Variants in MYOM3 observed in about 807,000 individuals in gnomAD.
The protein encoded by MYOM3 is myomesin 3, also known as myomesin-3.
MYOM3 carries 155 observed loss-of-function variants against 191.7 expected under a neutral mutation model. The observed-to-expected ratio is 0.81, with a 90% CI of 0.71 to 0.92. The LOEUF (loss-of-function observed/expected upper bound fraction) is 0.92. MYOM3 is among the 40% of genes least tolerant of loss of function. The pLI, the probability that MYOM3 is intolerant of heterozygous loss-of-function variation, is 0.00. For missense variants in MYOM3, 1,889 were observed against 1,890.6 expected, an observed-to-expected ratio of 1.00 and a Z score of 0.02; for synonymous variants, 757 against 762.9, an observed-to-expected ratio of 0.99 and a Z score of 0.13.
At position 24,067,970 on chromosome 1, in the gene MYOM3, C is replaced by T. The variant is rs181467696; in HGVS notation, c.3355G>A (p.Gly1119Ser). The T allele has an allele frequency of 1.1e-5, 17 of 1,614,140 alleles. No individual in the cohort carries two copies. The South Asian group carries it at 1.9e-4, about 18-fold the overall frequency. ...AKRRDWKRKQ[G>S]PYFERPLQWK... ...TGAACTTCACCCCAGCAGCTCTTAC[C>T]CTGTTTTCTCTTCCAGTCCCTTCTC... Residue 1119 changes from glycine (G) to serine (S), a missense_variant and splice_region_variant, in exon 27 of 37, where the codon GGT (glycine) becomes AGT (serine). Coordinates refer to ENST00000374434, the MANE Select transcript of MYOM3 (RefSeq NM_152372.4).
chr1:24,095,373 G>A lies in MYOM3; in HGVS notation c.790+69C>T, dbSNP rs553698601. The A allele has an allele frequency of 2.3e-5, 34 of 1,448,084 alleles. No homozygotes were observed. The African/African-American group carries it at 4.5e-4, about 19-fold the overall frequency. 89.7% of individuals were successfully genotyped at this position (1,448,084 alleles called of 1,614,324 possible). ...AGGGGATGGCTATATTCTAAACAGG[G>A]ACTGTGGGGGTCGGGGAGCAAAGCC... On this transcript the variant is annotated intron_variant, in intron 8 of 36. Coordinates refer to ENST00000374434, the MANE Select transcript of MYOM3 (RefSeq NM_152372.4).
At chr1:24,090,202 C>A (rs945470076) in intron 12 of MYOM3, 84 bp from the exon 13 acceptor site, 1 of 1,112,414 alleles carries the variant, frequency 9.0e-7, no homozygotes, top group African/African-American at 1.5e-5. Flanking sequence ...GGGTCTGCGT[C>A]CTGCCCCGTC....
rs1251187433 is a variant in MYOM3 at position 24,080,095 on chromosome 1, T to G, written c.2507A>C (p.Tyr836Ser). Residue 836 changes from tyrosine to serine, a missense_variant, in exon 20 of 37, where the codon TAT becomes TCT. Coordinates refer to ENST00000374434, the MANE Select transcript of MYOM3 (RefSeq NM_152372.4). ...LYMGAGPVTG[Y>S]HVSFQEEGSE... Reference sequence around the variant, plus strand: ...GCCTTCCTCCTGGAAACTGACGTGATAGCCTGTGACAGGCCCAGCCCCCAT... The same window carrying G: ...GCCTTCCTCCTGGAAACTGACGTGAGAGCCTGTGACAGGCCCAGCCCCCAT... 3.1e-6 allele frequency: 5 copies of G among 1,614,024 alleles called. No homozygotes were observed. Among genetic ancestry groups the G allele is most frequent in the Non-Finnish European group, 4.2e-6 (5 of 1,180,020 alleles).
At position 24,084,650 on chromosome 1, in the gene MYOM3, G is replaced by A; in HGVS notation, c.1799-11C>T. The A allele has an allele frequency of 6.2e-7, 1 of 1,605,750 alleles. No homozygotes were observed. Among genetic ancestry groups the A allele is most frequent in the East Asian group, 2.2e-5 (1 of 44,850 alleles). ...GAGGAGGGAGGGTAGCTAAAAAATA[G>A]AAACATGGGCTGAATGAGAAGGCTG... is the stretch of plus-strand genomic sequence containing the variant. On this transcript the variant is annotated splice_polypyrimidine_tract_variant and intron_variant, in intron 15 of 36. Transcript: ENST00000374434.
chr1:24,064,284 T>C, intron 29 of MYOM3, 125 bp from the exon 30 acceptor site: 1 of 667,596 alleles, frequency 1.5e-6, no homozygotes, highest in Non-Finnish European at 2.5e-6. Context: ...GTAAGACCCT[T>C]CTCCTCCCTG....
At chr1:24,079,200 C>T (rs1243276077) in intron 20 of MYOM3, among the ~76,000 whole-genome samples, 3 of 151,842 alleles carry the variant, frequency 2.0e-5, no homozygotes, top group East Asian at 1.9e-4. Context: ...CACGTAGGTC[C>T]ACCTCATTCT....
intron 25 of MYOM3, among the ~76,000 whole-genome samples, chr1:24,068,755 G>C (rs373532077): frequency 6.6e-6 from 1 of 151,368 alleles, no homozygotes; most frequent in Non-Finnish European, 1.5e-5. Context: ...GCAGAGTCTC[G>C]CTCCATCACC....
Position 24,063,167 on chromosome 1 carries a change from C to T in MYOM3, c.3729G>A (p.Lys1243=), listed in dbSNP as rs1643392898. Residue 1243 remains lysine (K), a synonymous_variant, in exon 32 of 37, where the codon AAG becomes AAA. Transcript: ENST00000374434. The surrounding 1 kb of genome is among the most constrained non-coding windows in gnomAD (Gnocchi z 4.5). ...TTTTCATGTACTCCACGTTGTAGTA[C>T]TTGACCTTGCTGAAGATCCGGATCC... ...EEGIRIFSKV[K]YYNVEYMKTT... The T allele has an allele frequency of 1.9e-6, 3 of 1,614,030 alleles. No individual in the cohort carries two copies. The highest frequency in any genetic ancestry group is 1.7e-6 in the Non-Finnish European group (2 of 1,179,920).
Position 24,107,242 on chromosome 1 carries a change from CAG to C in MYOM3, c.243-12_243-11del. On this transcript the variant is annotated splice_polypyrimidine_tract_variant and intron_variant, in intron 3 of 36. Transcript: ENST00000374434. ...TCTCAGCTGGGCTTCCCTGCCGTGACAGAGGCCATCGGGGCTCAGGCAGGGAT... is the reference window on the plus strand; with the variant it reads ...TCTCAGCTGGGCTTCCCTGCCGTGACAGGCCATCGGGGCTCAGGCAGGGAT... 1 of 1,589,666 alleles carries C rather than the reference CAG, an allele frequency of 6.3e-7. No homozygotes were observed. Among genetic ancestry groups the C allele is most frequent in the Non-Finnish European group, 8.6e-7 (1 of 1,167,044 alleles).
chr1:24,066,249 T>A (rs1227891184), intron 28 of MYOM3: 1 of 717,016 alleles, frequency 1.4e-6, no homozygotes, highest in Non-Finnish European at 2.6e-6. Context: ...AAGCCTTTTT[T>A]TTGAAGCATC....
chr1:24,061,768 AATGTTGCCCAGGCTGGTCTCACT>A (rs1025778627), intron 33 of MYOM3, among the ~76,000 whole-genome samples, 155 bp downstream of exon 33: 7 of 151,808 alleles, frequency 4.6e-5, no homozygotes, highest in African/African-American at 1.7e-4. Flanking sequence ...TTTTTGTAGG[AATGTTGCCCAGGCTGGTCTCACT>A]ATGTTGCCCA....
Position 24,092,201 on chromosome 1 carries a change from T to G in MYOM3, c.1205A>C (p.Asn402Thr). ...TWAPPSDTRGNPITAYTIERC... is the reference protein window; with the variant it reads ...TWAPPSDTRGTPITAYTIERC... ...CTCAATGGTGTAGGCAGTGATGGGG[T>G]TGCCCCGGGTGTCACTGGGCGGGGC... The change falls in exon 11 of 37, where the codon AAC (asparagine) becomes ACC (threonine). Residue 402 changes from asparagine (N) to threonine (T), a missense_variant. Asn to Thr is a moderately conservative substitution (Grantham distance 65). Transcript: ENST00000374434. The G allele has an allele frequency of 6.8e-7, 1 of 1,461,056 alleles. No homozygotes were observed. Among genetic ancestry groups the G allele is most frequent in the Non-Finnish European group, 9.1e-7 (1 of 1,098,694 alleles). 90.5% of individuals were successfully genotyped at this position (1,461,056 alleles called of 1,614,324 possible). A position where few individuals can be genotyped will look rare whatever the true frequency, so the allele number is the denominator to read the frequency against.
At chr1:24,094,429 A>G (rs1179218384) in intron 9 of MYOM3, among the ~76,000 whole-genome samples, 1 of 151,924 alleles carries the variant, frequency 6.6e-6, no homozygotes, top group East Asian at 1.9e-4. Flanking sequence ...AGCCTCCCAG[A>G]GTGCTAGGAT....
Position 24,108,587 on chromosome 1 carries a change from TG to T in MYOM3, c.49del (p.Gln17ArgfsTer57), listed in dbSNP as rs532144295. ...LGGAGDPRPPQAMEVHRLEHR... is the reference protein window; with the variant it reads ...LGGAGDPRPPXAMEVHRLEHR... Reference sequence around the variant, plus strand: ...CTCCAGCCTGTGAACCTCCATGGCCTGGGGGGGCCGGGGGTCCCCCGCACCT... The same window carrying T: ...CTCCAGCCTGTGAACCTCCATGGCCTGGGGGGCCGGGGGTCCCCCGCACCT... On this transcript the variant is annotated frameshift_variant, in exon 2 of 37. Coordinates refer to ENST00000374434, the MANE Select transcript of MYOM3 (RefSeq NM_152372.4). LOFTEE classifies it high-confidence loss of function. 33 of 1,570,386 alleles carry T rather than the reference TG, an allele frequency of 2.1e-5. No individual in the cohort carries two copies. Among genetic ancestry groups the T allele is most frequent in the African/African-American group, 4.1e-5 (3 of 73,534 alleles).
chr1:24,065,255 G>A (rs1202680758), intron 29 of MYOM3, among the ~76,000 whole-genome samples: 1 of 152,220 alleles, frequency 6.6e-6, no homozygotes, highest in Non-Finnish European at 1.5e-5. Flanking sequence ...TAGTCAGCAA[G>A]GCTCTGTTTG....
chr1:24,075,277 T>G (rs771470043), intron 22 of MYOM3, 42 bp downstream of exon 22: 2 of 1,605,388 alleles, frequency 1.2e-6, no homozygotes, highest in African/African-American at 1.3e-5. Flanking sequence ...TGACAGTATT[T>G]GGGTCCCGTT....
chr1:24,086,622 A>T, intron 15 of MYOM3, 22 bp downstream of exon 15: 1 of 1,607,918 alleles, frequency 6.2e-7, no homozygotes, highest in South Asian at 1.1e-5. Flanking sequence ...CTCCTCCCCG[A>T]CCCCCGGCAT....
At position 24,086,819 on chromosome 1, in the gene MYOM3, T is replaced by C. The variant is rs747235194; in HGVS notation, c.1623A>G (p.Ile541Met). Residue 541 changes from isoleucine to methionine, a missense_variant, in exon 15 of 37, where the codon ATA becomes ATG. Coordinates refer to ENST00000374434, the MANE Select transcript of MYOM3 (RefSeq NM_152372.4). The stretch of plus-strand genomic sequence containing the variant: ...TGATGGCCTCCCAGGTGCCACTACC[T>C]ATGACTGACTGAAGAAACAGAGGGA... ...PLTYSLEKSV[I>M]GSGTWEAISS... The C allele has an allele frequency of 1.2e-6, 2 of 1,613,784 alleles. No individual in the cohort carries two copies. The highest frequency in any genetic ancestry group is 2.7e-5 in the African/African-American group (2 of 74,930).
At position 24,090,911 on chromosome 1, in the gene MYOM3, C is replaced by T; in HGVS notation, c.1318G>A (p.Gly440Ser). ...CTCACCCGGAACCGATAGCTCTGAC[C>T]TTCGACGAGGCCTTGGATTGGGCAC... ...CRCPIQGLVE[G>S]QSYRFRVRAI... Residue 440 changes from glycine (G) to serine (S), a missense_variant, in exon 12 of 37, where the codon GGT becomes AGT. Gly to Ser is a moderately conservative substitution (Grantham distance 56). Coordinates refer to ENST00000374434, the MANE Select transcript of MYOM3 (RefSeq NM_152372.4). The T allele has an allele frequency of 1.2e-6, 2 of 1,614,102 alleles. No individual in the cohort carries two copies. The highest frequency in any genetic ancestry group is 1.7e-6 in the Non-Finnish European group (2 of 1,179,936).
Sources: gnomAD v4.1 joint callset for allele counts (sites outside exome capture counted in the v4.1 genomes callset) on GRCh38, gnomAD v4.1.1 for gene constraint, Gnocchi (gnomAD v3.1) non-coding constraint, MANE v1.5 for transcripts, NCBI Gene and HGNC (gene_info 2026-07-23, HGNC 2026-07-21) for gene names.